Variants in ADAMTSL1 observed in about 807,000 individuals in gnomAD.
ADAMTSL1 encodes ADAMTS like 1, also known as ADAMTS-like protein 1.
A neutral mutation model predicts 201.8 loss-of-function variants in ADAMTSL1; 126 were observed. The ratio of observed to expected loss-of-function variants is 0.62; its 90% CI spans 0.54 to 0.72. ADAMTSL1 has a LOEUF of 0.72. ADAMTSL1 is among the 30% of genes least tolerant of loss of function. The probability of loss-of-function intolerance (pLI) is 0.00; values close to 1 mark genes in which losing one functional copy is unlikely to be tolerated. For missense variants in ADAMTSL1, 2,679 were observed against 2,277.8 expected (o/e 1.18, Z -3.59); for synonymous variants, 1,121 against 903.4 (o/e 1.24, Z -4.32).
At chr9:18,064,186 A>G (rs948737730) in intron 1 of ADAMTSL1, among the ~76,000 whole-genome samples, 4 of 152,098 alleles carry the variant, frequency 2.6e-5, no homozygotes, top group African/African-American at 9.7e-5. Flanking sequence ...GTGCAGCTGG[A>G]TGGGATCCTT....
intron 2 of ADAMTSL1, among the ~76,000 whole-genome samples, chr9:18,513,715 T>C (rs772469812): frequency 2.2e-4 from 34 of 152,212 alleles, no homozygotes; most frequent in Admixed American, 3.9e-4. Flanking sequence ...CATGTGGATA[T>C]CCAGTTTTCC....
intron 1 of ADAMTSL1, among the ~76,000 whole-genome samples, chr9:17,985,590 T>C (rs1477405411): frequency 6.6e-6 from 1 of 152,108 alleles, no homozygotes; most frequent in East Asian, 1.9e-4. Flanking sequence ...TAGAAACATT[T>C]TGCCGTATTG....
chr9:18,906,286 C>G (rs2131625082), intron 27 of ADAMTSL1, among the ~76,000 whole-genome samples: 1 of 152,248 alleles, frequency 6.6e-6, no homozygotes, highest in African/African-American at 2.4e-5. Flanking sequence ...GATGAGAGCC[C>G]TTGTTCCTGA....
chr9:18,035,434 A>T (rs1273783555), intron 1 of ADAMTSL1, among the ~76,000 whole-genome samples: 1 of 152,196 alleles, frequency 6.6e-6, no homozygotes, highest in Non-Finnish European at 1.5e-5. Context: ...GTGAGGAGAT[A>T]TGAGGAAGAG....
chr9:18,572,170 G>A (rs966761893), intron 3 of ADAMTSL1, among the ~76,000 whole-genome samples: 1 of 151,664 alleles, frequency 6.6e-6, no homozygotes, highest in Non-Finnish European at 1.5e-5. Context: ...ACTCCACCCG[G>A]GGAGACAGAG....
rs114348507 is a variant in ADAMTSL1 at position 18,784,781 on chromosome 9, C to A, written c.3677+6875C>A. On this transcript the variant is annotated intron_variant, in intron 19 of 28. Transcript: ENST00000380548. ...AGGTGTTCATTTATCCTCACAATAACCCTTTGAAGTTACTATCCCAATTTT... is the reference window on the plus strand; with the variant it reads ...AGGTGTTCATTTATCCTCACAATAAACCTTTGAAGTTACTATCCCAATTTT... Among the ~76,000 whole-genome samples, 1,510 of 152,258 alleles carry A rather than the reference C, an allele frequency of 9.9e-3. 20 individuals carry two copies. The highest frequency in any genetic ancestry group is 0.035 in the African/African-American group (1,449 of 41,562).
chr9:18,032,933 A>C (rs891199209), intron 1 of ADAMTSL1, among the ~76,000 whole-genome samples: 1 of 152,030 alleles, frequency 6.6e-6, no homozygotes, highest in Admixed American at 6.5e-5. Context: ...CAGTGTCTGC[A>C]TCACCTCTCT....
At chr9:18,236,791 A>C (rs935581926) in intron 2 of ADAMTSL1, among the ~76,000 whole-genome samples, 1 of 152,250 alleles carries the variant, frequency 6.6e-6, no homozygotes, top group Non-Finnish European at 1.5e-5. Flanking sequence ...ATGCAAATGC[A>C]GTGCAATGCA....
At chr9:18,114,298 T>A (rs1215015831) in intron 1 of ADAMTSL1, among the ~76,000 whole-genome samples, 1 of 152,152 alleles carries the variant, frequency 6.6e-6, no homozygotes, top group Non-Finnish European at 1.5e-5. Context: ...CAGCTACGGA[T>A]AAAGCTATGC....
chr9:18,271,057 A>G (rs1352395279), intron 2 of ADAMTSL1, among the ~76,000 whole-genome samples: 1 of 152,192 alleles, frequency 6.6e-6, no homozygotes, highest in East Asian at 1.9e-4. Context: ...TGAGCAAGAA[A>G]TGCATGTTTA....
intron 4 of ADAMTSL1, among the ~76,000 whole-genome samples, chr9:18,583,332 C>T (rs1177954973): frequency 6.6e-6 from 1 of 152,166 alleles, no homozygotes; most frequent in Non-Finnish European, 1.5e-5. Context: ...AAGCCCCATA[C>T]CTTAGCAGCT....
At chr9:18,532,023 T>G (rs1244907928) in intron 2 of ADAMTSL1, among the ~76,000 whole-genome samples, 1 of 152,206 alleles carries the variant, frequency 6.6e-6, no homozygotes, top group Non-Finnish European at 1.5e-5. Flanking sequence ...AATTTATACA[T>G]ATAACAAACT....
At position 18,618,236 on chromosome 9, in the gene ADAMTSL1, C is replaced by A. The variant is rs75019710; in HGVS notation, c.475-4007C>A. Among the ~76,000 whole-genome samples the A allele has an allele frequency of 9.1e-3, 1,391 of 152,254 alleles. 25 individuals carry two copies. Among genetic ancestry groups the A allele is most frequent in the African/African-American group, 0.032 (1,313 of 41,550 alleles). Reference sequence around the variant, plus strand: ...GTGTGCACAGTTAAAAACACATGTACATATACATACCTACACACATGCATG... The same window carrying A: ...GTGTGCACAGTTAAAAACACATGTAAATATACATACCTACACACATGCATG... On this transcript the variant is annotated intron_variant, in intron 4 of 28. Coordinates refer to ENST00000380548, the MANE Select transcript of ADAMTSL1 (RefSeq NM_001040272.6).
chr9:18,648,401 T>C (rs946851984), intron 7 of ADAMTSL1, among the ~76,000 whole-genome samples: 12 of 152,058 alleles, frequency 7.9e-5, no homozygotes, highest in Non-Finnish European at 1.6e-4. Flanking sequence ...AAAGTTAATA[T>C]TGTTATGTAT....
chr9:17,985,464 T>A (rs1487257256), intron 1 of ADAMTSL1, among the ~76,000 whole-genome samples: 1 of 152,068 alleles, frequency 6.6e-6, no homozygotes, highest in Non-Finnish European at 1.5e-5. Context: ...GAAAATAAAA[T>A]CTTGAAAAAT....
chr9:18,340,262 T>C (rs1341734941), intron 2 of ADAMTSL1, among the ~76,000 whole-genome samples: 1 of 152,216 alleles, frequency 6.6e-6, no homozygotes, highest in Non-Finnish European at 1.5e-5. Flanking sequence ...TTCTGTCTTA[T>C]GCTGCTTACT....
chr9:18,596,548 C>A (rs1360962340), intron 4 of ADAMTSL1, among the ~76,000 whole-genome samples: 1 of 152,148 alleles, frequency 6.6e-6, no homozygotes, highest in Non-Finnish European at 1.5e-5. Context: ...TGCGCACCAC[C>A]ACACCTGTAA....
intron 23 of ADAMTSL1, among the ~76,000 whole-genome samples, chr9:18,886,205 T>TATAC (rs1828873218): frequency 8.1e-6 from 1 of 123,160 alleles, no homozygotes; most frequent in African/African-American, 3.6e-5. Context: ...TATATATATA[T>TATAC]ATATATACAC....
rs1444339305 is a variant in ADAMTSL1, at chr9:18,681,699, G to GTTGGGAA, written c.1342-113_1342-112insTTGGGAA. ...TAAATTTACCAGGAGTCCTCGTGTG[G>GTTGGGAA]GGGGGGGGGGCGGGGAAAAAGAAAA... On this transcript the variant is annotated intron_variant, in intron 11 of 28. Transcript: ENST00000380548. 11 of 287,626 alleles carry GTTGGGAA rather than the reference G, an allele frequency of 3.8e-5. 1 individual carries two copies. Among genetic ancestry groups the GTTGGGAA allele is most frequent in the Non-Finnish European group, 5.6e-5 (11 of 194,914 alleles). The allele number at this position is 287,626 out of a possible 1,614,324, so 17.8% of individuals were successfully genotyped here. A position where few individuals can be genotyped will look rare whatever the true frequency, so the allele number is the denominator to read the frequency against.
Sources: gnomAD v4.1 joint callset for allele counts (sites outside exome capture counted in the v4.1 genomes callset) on GRCh38, gnomAD v4.1.1 for gene constraint, MANE v1.5 for transcripts, NCBI Gene and HGNC (gene_info 2026-07-23, HGNC 2026-07-21) for gene names.